TLN2: variants seen among roughly 807,000 people sequenced by gnomAD.
TLN2 encodes the protein talin 2, also known as talin-2.
Under a neutral mutation model 294.7 loss-of-function variants are expected in TLN2, and 118 were observed. That is an observed-to-expected ratio of 0.40 (90% CI 0.34 to 0.47). The LOEUF (loss-of-function observed/expected upper bound fraction) is 0.47, where lower values mean the gene tolerates loss of function less well. Ranked by LOEUF, TLN2 falls within the 20% of genes least tolerant of loss-of-function variation. The probability of loss-of-function intolerance (pLI) is 0.84; values close to 1 mark genes in which losing one functional copy is unlikely to be tolerated. For synonymous variants in TLN2, 1,431 were observed against 1,304.5 expected, an observed-to-expected ratio of 1.10 and a Z score of -2.09; for missense variants, 3,083 against 3,282.2, an observed-to-expected ratio of 0.94 and a Z score of 1.48.
rs993283821 is a variant in TLN2, at chr15:62,842,332, G to C, written c.*1722G>C. 2 of 152,258 alleles carry C rather than the reference G, an allele frequency of 1.3e-5. No individual in the cohort carries two copies. The highest frequency in any genetic ancestry group is 2.9e-5 in the Non-Finnish European group (2 of 68,104). The allele number at this position is 152,258 out of a possible 1,614,324, so 9.4% of individuals were successfully genotyped here. A position where few individuals can be genotyped will look rare whatever the true frequency, so the allele number is the denominator to read the frequency against. On this transcript the variant is annotated 3_prime_UTR_variant, in exon 59 of 59. Transcript: ENST00000636159. ...GAGGAGGGGAGCTGCTGGAGCCCTA[G>C]CCTGTTGGGGAAAAGCTGGCACACT...
chr15:62,688,819 A>G (rs758604310), intron 12 of TLN2, among the ~76,000 whole-genome samples: 5 of 152,096 alleles, frequency 3.3e-5, no homozygotes, highest in Non-Finnish European at 7.4e-5. Flanking sequence ...ATAGCCACCA[A>G]TGCTTTTTAT....
chr15:62,462,959 C>T (rs907928825), intron 1 of TLN2, among the ~76,000 whole-genome samples: 6 of 152,202 alleles, frequency 3.9e-5, no homozygotes, highest in African/African-American at 9.7e-5. Context: ...CTAAGGACAG[C>T]GCCAAACTCT....
chr15:62,775,664 C>T (rs1427712162), intron 42 of TLN2, among the ~76,000 whole-genome samples: 1 of 152,216 alleles, frequency 6.6e-6, no homozygotes, highest in Non-Finnish European at 1.5e-5. Flanking sequence ...AACGAGTTCT[C>T]GTTTACTGCT....
intron 9 of TLN2, among the ~76,000 whole-genome samples, chr15:62,665,888 A>C (rs940903661): frequency 6.6e-6 from 1 of 152,194 alleles, no homozygotes; most frequent in African/African-American, 2.4e-5. Flanking sequence ...CTAAATTAAA[A>C]GTAAAGTGCA....
rs59073988 is a variant in TLN2, at chr15:62,761,255, G to A, written c.4639-426G>A. Among the ~76,000 whole-genome samples, 525 of 152,248 alleles carry A rather than the reference G, an allele frequency of 3.4e-3. 2 individuals are homozygous for A. The highest frequency in any genetic ancestry group is 0.012 in the African/African-American group (503 of 41,536). On this transcript the variant is annotated intron_variant, in intron 37 of 58. Coordinates refer to ENST00000636159, the MANE Select transcript of TLN2 (RefSeq NM_015059.3). ...AAAGTACTGCTTTAAAATACAATAC[G>A]GTATGTTTATTGTTTGGAAGAGAAT...
intron 9 of TLN2, among the ~76,000 whole-genome samples, chr15:62,660,148 G>A (rs1567286392): frequency 6.6e-6 from 1 of 152,164 alleles, no homozygotes; most frequent in Non-Finnish European, 1.5e-5. Context: ...TCTGAGGCAG[G>A]TACATAGGAA....
At chr15:62,643,382 A>C (rs2051378071) in intron 3 of TLN2, among the ~76,000 whole-genome samples, 1 of 146,136 alleles carries the variant, frequency 6.8e-6, no homozygotes, top group Non-Finnish European at 1.5e-5. Flanking sequence ...GTGCTCTGTA[A>C]GAATGATTAG....
intron 3 of TLN2, among the ~76,000 whole-genome samples, chr15:62,632,036 C>G (rs1351605588): frequency 6.6e-6 from 1 of 152,208 alleles, no homozygotes; most frequent in African/African-American, 2.4e-5. Context: ...AGAGTGGCTC[C>G]AAAGTCTCTG....
intron 22 of TLN2, among the ~76,000 whole-genome samples, chr15:62,714,646 T>C (rs1333279561): frequency 6.6e-6 from 1 of 152,244 alleles, no homozygotes; most frequent in African/African-American, 2.4e-5. Context: ...TAAATTCTTT[T>C]AACTTTTAGT....
chr15:62,556,258 TTA>T (rs374124917), intron 1 of TLN2, among the ~76,000 whole-genome samples: 1 of 152,064 alleles, frequency 6.6e-6, no homozygotes, highest in African/African-American at 2.4e-5. Flanking sequence ...CTATTTGCTA[TTA>T]TGAGTAGAAT....
At chr15:62,412,296 G>T (rs533038984) in intron 1 of TLN2, among the ~76,000 whole-genome samples, 1 of 152,330 alleles carries the variant, frequency 6.6e-6, no homozygotes, top group East Asian at 1.9e-4. Flanking sequence ...CAGTAAGGTG[G>T]TGGTAACAAG....
chr15:62,770,163 A>T (rs959446050), intron 41 of TLN2, among the ~76,000 whole-genome samples: 3 of 152,158 alleles, frequency 2.0e-5, no homozygotes, highest in Non-Finnish European at 4.4e-5. Flanking sequence ...ATGCGTCTCA[A>T]CCCCTCAAAG....
chr15:62,619,741 A>T (rs987091633), intron 3 of TLN2, among the ~76,000 whole-genome samples: 1 of 152,162 alleles, frequency 6.6e-6, no homozygotes, highest in Non-Finnish European at 1.5e-5. Flanking sequence ...CTGAAAGGAG[A>T]AAGGAAGTAT....
Position 62,738,103 on chromosome 15 carries a change from T to A in TLN2, c.3568-111T>A, listed in dbSNP as rs1408589980. 5.6e-6 allele frequency: 7 copies of A among 1,256,760 alleles called. No homozygotes were observed. The Admixed American group carries it at 1.4e-4, about 25-fold the overall frequency. 77.9% of individuals were successfully genotyped at this position (1,256,760 alleles called of 1,614,324 possible). A position where few individuals can be genotyped will look rare whatever the true frequency, so the allele number is the denominator to read the frequency against. On this transcript the variant is annotated intron_variant, in intron 29 of 58. Coordinates refer to ENST00000636159, the MANE Select transcript of TLN2 (RefSeq NM_015059.3). Reference sequence around the variant, plus strand: ...ACAGGTAAGAGTGGCAGGTGGATGCTGGTGGGTCATTTCCGTATCTGCTTC... The same window carrying A: ...ACAGGTAAGAGTGGCAGGTGGATGCAGGTGGGTCATTTCCGTATCTGCTTC...
chr15:62,793,737 T>G (rs186231623), intron 46 of TLN2, among the ~76,000 whole-genome samples: 136 of 152,076 alleles, frequency 8.9e-4, no homozygotes, highest in Admixed American at 1.4e-3. Flanking sequence ...TTTTGCAGGC[T>G]GCTTGAGGTA....
intron 1 of TLN2, among the ~76,000 whole-genome samples, chr15:62,400,249 A>C (rs1427576537): frequency 6.6e-6 from 1 of 152,202 alleles, no homozygotes; most frequent in Non-Finnish European, 1.5e-5. Context: ...ACCATGCTGA[A>C]CTGTGACTCA....
chr15:62,449,814 G>C (rs2036000963), intron 1 of TLN2, among the ~76,000 whole-genome samples: 1 of 152,122 alleles, frequency 6.6e-6, no homozygotes. Context: ...GCTATGCAGA[G>C]AAAGGACAAG....
Position 62,770,927 on chromosome 15 carries a change from A to G in TLN2, c.5197-37A>G, listed in dbSNP as rs767225792. ...CCCTGAAGGAGACACGTGTATTTAC[A>G]TGATACATCTCTGGCTTTTTTTTTT... On this transcript the variant is annotated intron_variant, in intron 41 of 58. Transcript: ENST00000636159. The G allele has an allele frequency of 3.7e-5, 58 of 1,582,378 alleles. No homozygotes were observed. In the Admixed American group the frequency reaches 5.2e-4, roughly 14 times the overall value.
At chr15:62,689,846 C>CTTCTTTTT (rs2057628986) in intron 12 of TLN2, among the ~76,000 whole-genome samples, 1 of 15,398 alleles carries the variant, frequency 6.5e-5, no homozygotes, top group Non-Finnish European at 1.5e-4. Flanking sequence ...GTATGGGCTT[C>CTTCTTTTT]TTTTTTTTTT....
Sources: allele counts gnomAD v4.1 joint callset (sites outside exome capture counted in the v4.1 genomes callset), GRCh38; gene constraint gnomAD v4.1.1; transcripts MANE v1.5; gene names NCBI Gene and HGNC (gene_info 2026-07-23, HGNC 2026-07-21).